TRIOBP: variants seen among roughly 807,000 people sequenced by gnomAD.
TRIOBP encodes TRIO and F-actin binding protein, also known as TRIO and F-actin-binding protein.
TRIOBP carries 169 observed loss-of-function variants against 238.8 expected under a neutral mutation model. The observed-to-expected ratio is 0.71, with a 90% CI of 0.62 to 0.80. The LOEUF is 0.80. Among genes scored for constraint, TRIOBP ranks in the 30% least tolerant of loss-of-function variants. TRIOBP has a pLI of 0.00. For missense variants in TRIOBP, 2,838 were observed against 3,122.6 expected (o/e 0.91, Z 2.17); for synonymous variants, 1,150 against 1,274.4 (o/e 0.90, Z 2.08).
Position 37,734,413 on chromosome 22 carries a change from T to C in TRIOBP, c.4077T>C (p.Pro1359=), listed in dbSNP as rs139074745. 1,404 of 1,613,062 alleles carry C rather than the reference T, an allele frequency of 8.7e-4. 28 individuals are homozygous for C. In the East Asian group the frequency reaches 0.029, roughly 34 times the overall value. Residue 1359 remains proline, a synonymous_variant, in exon 9 of 24, where the codon CCT becomes CCC. Transcript: ENST00000644935. ...CTCATCCCCAGGTGACCATGCTCCCTGCCAAACAGGCAGAACTGACCCGGC... is the reference window on the plus strand; with the variant it reads ...CTCATCCCCAGGTGACCATGCTCCCCGCCAAACAGGCAGAACTGACCCGGC... ...PAPSRQVTML[P]AKQAELTRRS... is the part of the protein sequence containing the mutation.
intron 7 of TRIOBP, among the ~76,000 whole-genome samples, chr22:37,731,745 C>T (rs897919806): frequency 3.9e-5 from 6 of 152,258 alleles, no homozygotes; most frequent in African/African-American, 1.2e-4. Context: ...GCATGAGCCA[C>T]CACACCTGGG....
chr22:37,708,021 C>T (rs1177284722), intron 3 of TRIOBP, among the ~76,000 whole-genome samples: 9 of 149,156 alleles, frequency 6.0e-5, no homozygotes, highest in East Asian at 6.0e-4. Context: ...CCGAGGCGGG[C>T]GGATCACGAG....
intron 7 of TRIOBP, among the ~76,000 whole-genome samples, chr22:37,730,269 C>A (rs887826894): frequency 9.9e-5 from 15 of 152,090 alleles, no homozygotes; most frequent in African/African-American, 3.6e-4. Flanking sequence ...CAGGTGGCCC[C>A]GAGGAGACGC....
chr22:37,746,555 G>C (rs898953584), intron 11 of TRIOBP: 1 of 799,334 alleles, frequency 1.3e-6, no homozygotes, highest in Non-Finnish European at 1.6e-6. Flanking sequence ...GCCGGAAGAC[G>C]GGGCCACCTC....
chr22:37,726,320 C>T lies in TRIOBP; in HGVS notation c.3764C>T (p.Ser1255Leu), dbSNP rs1025000299. ...GGCAGCTCTGGGGGCTCCCGGGGCT[C>T]AGCGCCTCCCGGGGAGACCAGGCAC... Reference protein sequence around the residue: ...SPGSSGGSRGSAPPGETRHNL... With the variant: ...SPGSSGGSRGLAPPGETRHNL... The change falls in exon 7 of 24, where the codon TCA (serine) becomes TTA (leucine). Residue 1255 changes from serine (S) to leucine (L), a missense_variant. Transcript: ENST00000644935. The T allele has an allele frequency of 6.2e-7, 1 of 1,612,644 alleles. No homozygotes were observed. Among genetic ancestry groups the T allele is most frequent in the Non-Finnish European group, 8.5e-7 (1 of 1,179,844 alleles).
chr22:37,720,576 G>A (rs572450093), intron 6 of TRIOBP, among the ~76,000 whole-genome samples: 16 of 152,180 alleles, frequency 1.1e-4, no homozygotes, highest in Non-Finnish European at 1.9e-4. Context: ...TGGCCCCAGA[G>A]TGCCCAGGCT....
intron 2 of TRIOBP, among the ~76,000 whole-genome samples, chr22:37,699,829 C>T (rs977634639): frequency 1.3e-5 from 2 of 151,942 alleles, no homozygotes; most frequent in African/African-American, 4.8e-5. Flanking sequence ...GCGTGAGCCA[C>T]TGCGCCTGGC....
Position 37,725,252 on chromosome 22 carries a change from G to C in TRIOBP, c.2696G>C (p.Arg899Pro), listed in dbSNP as rs372050770. ...WNNPRNSSPHRTNKDIPWASF... is the reference protein window; with the variant it reads ...WNNPRNSSPHPTNKDIPWASF... Reference sequence around the variant, plus strand: ...AATCCCAGGAATTCATCTCCCCATCGTACTAACAAAGACATCCCCTGGGCC... The same window carrying C: ...AATCCCAGGAATTCATCTCCCCATCCTACTAACAAAGACATCCCCTGGGCC... Residue 899 changes from arginine (R) to proline (P), a missense_variant, in exon 7 of 24, where the codon CGT becomes CCT. By Grantham distance (103) the Arg-to-Pro change is moderately radical. This residue lies in a region of TRIOBP where 2,096 missense variants were observed against 2,137.4 expected (regional missense o/e 0.98). Coordinates refer to ENST00000644935, the MANE Select transcript of TRIOBP (RefSeq NM_001039141.3). The C allele has an allele frequency of 3.1e-6, 5 of 1,613,806 alleles. No homozygotes were observed. The Admixed American group carries it at 8.3e-5, about 27-fold the overall frequency.
At chr22:37,749,783 C>CAAAAA (rs893218020) in intron 11 of TRIOBP, among the ~76,000 whole-genome samples, 22 of 60,264 alleles carry the variant, frequency 3.7e-4, no homozygotes, top group African/African-American at 1.3e-3. Flanking sequence ...CCCATCTCTA[C>CAAAAA]AAAAAAAAAA....
chr22:37,775,472 G>A lies in TRIOBP; in HGVS notation c.*1692G>A, dbSNP rs1432724106. 1 of 152,184 alleles carries A rather than the reference G, an allele frequency of 6.6e-6. No individual in the cohort carries two copies. Among genetic ancestry groups the A allele is most frequent in the Non-Finnish European group, 1.5e-5 (1 of 68,062 alleles). 9.4% of individuals were successfully genotyped at this position (152,184 alleles called of 1,614,324 possible). ...TGGGGTGGAGGAGGTCATCTGGGAA[G>A]GGTGTCCTTGGTCTTAAAAAGAGGC... On this transcript the variant is annotated 3_prime_UTR_variant, in exon 24 of 24. Coordinates refer to ENST00000644935, the MANE Select transcript of TRIOBP (RefSeq NM_001039141.3).
rs1924086498 is a variant in TRIOBP at position 37,725,455 on chromosome 22, C to T, written c.2899C>T (p.Pro967Ser). Residue 967 changes from proline to serine, a missense_variant, in exon 7 of 24, where the codon CCC becomes TCC. This residue lies in a region of TRIOBP where 2,096 missense variants were observed against 2,137.4 expected (regional missense o/e 0.98). Transcript: ENST00000644935. ...QHDPPQSSFG[P>S]TQYNLPSRAT... ...TGACCCACCCCAGTCCTCCTTTGGCCCCACCCAGTACAACTTGCCATCCCG... is the reference window on the plus strand; with the variant it reads ...TGACCCACCCCAGTCCTCCTTTGGCTCCACCCAGTACAACTTGCCATCCCG... 2 of 1,612,542 alleles carry T rather than the reference C, an allele frequency of 1.2e-6. No homozygotes were observed. Among genetic ancestry groups the T allele is most frequent in the African/African-American group, 1.3e-5 (1 of 75,012 alleles).
chr22:37,725,083 A>G lies in TRIOBP; in HGVS notation c.2527A>G (p.Asn843Asp). The G allele has an allele frequency of 6.2e-7, 1 of 1,614,212 alleles. No homozygotes were observed. Among genetic ancestry groups the G allele is most frequent in the Non-Finnish European group, 8.5e-7 (1 of 1,180,042 alleles). ...NPKTSCTKRD[N>D]LRPTCTQRDR... ...TAAAACCTCTTGTACCAAACGAGAT[A>G]ACCTCAGACCCACTTGTACACAGCG... Residue 843 changes from asparagine (N) to aspartate (D), a missense_variant, in exon 7 of 24, where the codon AAC (asparagine) becomes GAC (aspartate). By Grantham distance (23) the Asn-to-Asp change is conservative (BLOSUM62 1). This residue lies in a region of TRIOBP where 2,096 missense variants were observed against 2,137.4 expected (regional missense o/e 0.98). Transcript: ENST00000644935.
intron 5 of TRIOBP, among the ~76,000 whole-genome samples, chr22:37,715,140 G>A (rs1923445839): frequency 6.6e-6 from 1 of 151,770 alleles, no homozygotes; most frequent in South Asian, 2.1e-4. Flanking sequence ...TCAGCCTCTC[G>A]AGTATCTGGG....
In TRIOBP at chr22:37,715,930, G is replaced by A; in HGVS notation, c.624G>A (p.Lys208=). ...PVGGDAAGQK[K]EDTGGGGRSA... ...GAGGAGATGCTGCAGGCCAGAAAAA[G>A]GAGGGTGAGTCCTTCTGCCAGGTTG... is the stretch of plus-strand genomic sequence containing the variant. The change falls in exon 6 of 24, where the codon AAG becomes AAA. Residue 208 remains lysine, a synonymous_variant. Coordinates refer to ENST00000644935, the MANE Select transcript of TRIOBP (RefSeq NM_001039141.3). The A allele has an allele frequency of 1.2e-6, 2 of 1,612,520 alleles. No homozygotes were observed. Among genetic ancestry groups the A allele is most frequent in the Non-Finnish European group, 1.7e-6 (2 of 1,179,826 alleles).
intron 4 of TRIOBP, among the ~76,000 whole-genome samples, chr22:37,711,878 C>G (rs1195245992): frequency 3.9e-5 from 6 of 152,038 alleles, no homozygotes; most frequent in Non-Finnish European, 2.9e-5. Context: ...CAGCGCTAAG[C>G]CTTCTTGAGC....
At chr22:37,765,635 GGGCA>G in intron 17 of TRIOBP, 31 bp from the exon 18 acceptor site, 1 of 1,548,316 alleles carries the variant, frequency 6.5e-7, no homozygotes, top group Non-Finnish European at 8.7e-7. Context: ...CAGAGGAACG[GGGCA>G]GCCTGTGACA....
At chr22:37,746,068 C>CCCGCCGT (rs1925228693) in intron 11 of TRIOBP, among the ~76,000 whole-genome samples, 1 of 65,602 alleles carries the variant, frequency 1.5e-5, no homozygotes, top group Non-Finnish European at 4.7e-5. Flanking sequence ...CGTCCCGCCG[C>CCCGCCGT]CCCGCCGCCC....
At chr22:37,702,307 C>A (rs938946296) in intron 3 of TRIOBP, among the ~76,000 whole-genome samples, 1 of 151,856 alleles carries the variant, frequency 6.6e-6, no homozygotes, top group Non-Finnish European at 1.5e-5. Flanking sequence ...TAGGTTCAAG[C>A]GATCCTCCCG....
chr22:37,706,769 T>TA (rs34258002), intron 3 of TRIOBP, among the ~76,000 whole-genome samples: 78,311 of 140,780 alleles, frequency 0.56, 21,788 homozygotes, highest in East Asian at 0.7. Flanking sequence ...AAGACTATCT[T>TA]AAAAAAAAAA....
Sources: gnomAD v4.1 joint callset for allele counts (sites outside exome capture counted in the v4.1 genomes callset) on GRCh38, gnomAD v4.1.1 for gene constraint, gnomAD v4.1.1 regional missense constraint, MANE v1.5 for transcripts, NCBI Gene and HGNC (gene_info 2026-07-23, HGNC 2026-07-21) for gene names.